TAFA2: variants seen among roughly 807,000 people sequenced by gnomAD.
TAFA2 encodes the protein chemokine-like protein TAFA-2.
Under a neutral mutation model 18.8 loss-of-function variants are expected in TAFA2, and 7 were observed. The observed-to-expected ratio is 0.37, with a 90% CI of 0.21 to 0.70. The LOEUF (loss-of-function observed/expected upper bound fraction) is 0.70, where lower values mean the gene tolerates loss of function less well. Ranked by LOEUF, TAFA2 falls within the 30% of genes least tolerant of loss-of-function variation. The pLI is 0.53. For synonymous variants in TAFA2, 60 were observed against 54.2 expected, an observed-to-expected ratio of 1.11 and a Z score of -0.47; for missense variants, 122 against 158.1, an observed-to-expected ratio of 0.77 and a Z score of 1.23.
chr12:61,956,160 A>AG (rs1292793327), intron 1 of TAFA2, among the ~76,000 whole-genome samples: 1 of 151,756 alleles, frequency 6.6e-6, no homozygotes, highest in East Asian at 1.9e-4. Context: ...AGAGTCAAAA[A>AG]ACTCCATTTT....
intron 1 of TAFA2, among the ~76,000 whole-genome samples, chr12:61,908,044 T>G (rs1359225444): frequency 6.6e-6 from 1 of 152,188 alleles, no homozygotes; most frequent in African/African-American, 2.4e-5. Flanking sequence ...CAGAAGGGAC[T>G]GCCTTGTCTC....
intron 4 of TAFA2, among the ~76,000 whole-genome samples, chr12:61,748,629 T>A (rs1245850081): frequency 1.3e-5 from 2 of 152,108 alleles, no homozygotes; most frequent in East Asian, 3.9e-4. Context: ...CACTGAGATT[T>A]GGTATGAAAT....
At chr12:61,931,501 G>A (rs999836667) in intron 1 of TAFA2, among the ~76,000 whole-genome samples, 1 of 152,212 alleles carries the variant, frequency 6.6e-6, no homozygotes, top group Non-Finnish European at 1.5e-5. Context: ...TACGGAAACA[G>A]TGAATGAGAA....
At chr12:62,219,752 T>C (rs1264350218) in intron 1 of TAFA2, among the ~76,000 whole-genome samples, 2 of 152,176 alleles carry the variant, frequency 1.3e-5, no homozygotes, top group Admixed American at 1.3e-4. Flanking sequence ...TGCCTCCTTC[T>C]ATTAAGTTAT....
rs923566907 is a variant in TAFA2, at chr12:61,708,777, C to T, written c.*1629G>A. The T allele has an allele frequency of 6.6e-6, 1 of 152,108 alleles. No individual in the cohort carries two copies. Among genetic ancestry groups the T allele is most frequent in the Non-Finnish European group, 1.5e-5 (1 of 67,980 alleles). The allele number at this position is 152,108 out of a possible 1,614,324, so 9.4% of individuals were successfully genotyped here. A position where few individuals can be genotyped will look rare whatever the true frequency, so the allele number is the denominator to read the frequency against. ...TTAACCAATTTTACATTTTTAGTTG[C>T]TCTTCCCAGGAAAGTGTCTGAGTAG... On this transcript the variant is annotated 3_prime_UTR_variant, in exon 5 of 5. Coordinates refer to ENST00000416284, the MANE Select transcript of TAFA2 (RefSeq NM_178539.5).
At chr12:62,215,293 G>A (rs2062729795) in intron 1 of TAFA2, among the ~76,000 whole-genome samples, 1 of 152,130 alleles carries the variant, frequency 6.6e-6, no homozygotes, top group African/African-American at 2.4e-5. Flanking sequence ...AGCCCTGTGT[G>A]TCTTATCTCT....
At chr12:62,099,139 T>C (rs980135485) in intron 1 of TAFA2, among the ~76,000 whole-genome samples, 3 of 152,130 alleles carry the variant, frequency 2.0e-5, no homozygotes, top group African/African-American at 2.4e-5. Context: ...GTAATGATGA[T>C]ATAAGGAGTA....
intron 1 of TAFA2, among the ~76,000 whole-genome samples, chr12:61,883,226 ATT>A (rs1481647570): frequency 6.6e-6 from 1 of 152,188 alleles, no homozygotes; most frequent in East Asian, 1.9e-4. Flanking sequence ...GTGATAATGT[ATT>A]GTTTTTCATT....
intron 1 of TAFA2, among the ~76,000 whole-genome samples, chr12:61,979,436 G>A (rs1467085938): frequency 3.9e-5 from 6 of 152,008 alleles, no homozygotes; most frequent in Admixed American, 1.3e-4. Flanking sequence ...ATAAAAAATG[G>A]AACAAATAGA....
chr12:62,006,381 G>A (rs1880550830), intron 1 of TAFA2, among the ~76,000 whole-genome samples: 2 of 121,230 alleles, frequency 1.6e-5, no homozygotes, highest in Admixed American at 7.4e-5. Context: ...TAAATTTCAC[G>A]TGGATAGCAG....
chr12:61,873,251 A>G (rs1428693588), intron 1 of TAFA2, among the ~76,000 whole-genome samples: 3 of 151,970 alleles, frequency 2.0e-5, no homozygotes, highest in African/African-American at 7.3e-5. Context: ...AATGGAAACA[A>G]AGACTAGATT....
chr12:61,914,111 A>C (rs528291246), intron 1 of TAFA2, among the ~76,000 whole-genome samples: 39 of 152,236 alleles, frequency 2.6e-4, no homozygotes, highest in African/African-American at 9.4e-4. Flanking sequence ...CAGGAAATCC[A>C]CCCTAATCAC....
At chr12:62,205,555 C>T (rs1292712612) in intron 1 of TAFA2, among the ~76,000 whole-genome samples, 2 of 152,222 alleles carry the variant, frequency 1.3e-5, no homozygotes, top group Non-Finnish European at 2.9e-5. Context: ...AGGGAGGCCC[C>T]ACCCAGTGAG....
chr12:62,121,747 G>T (rs566710210), intron 1 of TAFA2, among the ~76,000 whole-genome samples: 108 of 152,280 alleles, frequency 7.1e-4, no homozygotes, highest in South Asian at 3.7e-3. Flanking sequence ...CAAATGTAAG[G>T]TTCAGGAGAT....
intron 2 of TAFA2, among the ~76,000 whole-genome samples, chr12:61,789,281 A>G (rs1870873405): frequency 6.6e-6 from 1 of 151,922 alleles, no homozygotes; most frequent in African/African-American, 2.4e-5. Context: ...TTTAGGTCTT[A>G]CATTTAAGTC....
chr12:62,149,251 C>T (rs962305943), intron 1 of TAFA2, among the ~76,000 whole-genome samples: 1 of 152,162 alleles, frequency 6.6e-6, no homozygotes, highest in Admixed American at 6.5e-5. Flanking sequence ...AATTAAAATC[C>T]AGGTCCTGTT....
intron 1 of TAFA2, among the ~76,000 whole-genome samples, chr12:61,873,918 T>C (rs1172573749): frequency 6.6e-6 from 1 of 152,174 alleles, no homozygotes; most frequent in Admixed American, 6.5e-5. Flanking sequence ...ATGTAAGTTG[T>C]ATATATAAAG....
At chr12:62,022,780 G>A (rs764372235) in intron 1 of TAFA2, among the ~76,000 whole-genome samples, 31 of 152,046 alleles carry the variant, frequency 2.0e-4, no homozygotes, top group Non-Finnish European at 3.2e-4. Context: ...ATAATCACTC[G>A]TTTATCCACT....
chr12:62,149,751 C>T (rs1236580681), intron 1 of TAFA2, among the ~76,000 whole-genome samples: 1 of 151,976 alleles, frequency 6.6e-6, no homozygotes, highest in Non-Finnish European at 1.5e-5. Context: ...TTCAGCTGTA[C>T]TAAATACTTT....
Sources: allele counts gnomAD v4.1 joint callset (sites outside exome capture counted in the v4.1 genomes callset), GRCh38; gene constraint gnomAD v4.1.1; transcripts MANE v1.5; gene names NCBI Gene and HGNC (gene_info 2026-07-23, HGNC 2026-07-21).